AMTN: variants seen among roughly 807,000 people sequenced by gnomAD.
AMTN encodes the protein RSTI689.
AMTN carries 29 observed loss-of-function variants against 27.4 expected under a neutral mutation model. The ratio of observed to expected loss-of-function variants is 1.06; its 90% CI spans 0.79 to 1.44. AMTN has a LOEUF of 1.44. Ranked by LOEUF, AMTN falls within the 40% of genes most tolerant of loss-of-function variation. AMTN has a pLI of 0.00. For synonymous variants in AMTN, 86 were observed against 95.7 expected (o/e 0.90, Z 0.59); for missense variants, 247 against 248.8 (o/e 0.99, Z 0.05).
chr4:70,523,804 C>A (rs1736030555), intron 3 of AMTN, 64 bp from the exon 4 acceptor site: 1 of 1,384,156 alleles, frequency 7.2e-7, no homozygotes, highest in Non-Finnish European at 1.0e-6. Context: ...AGGATATCCA[C>A]CACTGACAGA....
At chr4:70,532,404 T>C (rs1736244633) in intron 8 of AMTN, 51 bp from the exon 9 acceptor site, 2 of 1,416,554 alleles carry the variant, frequency 1.4e-6, no homozygotes, top group Non-Finnish European at 2.0e-6. Flanking sequence ...AAGATATTTA[T>C]GTTAAATATA....
rs1736247731 is a variant in AMTN, at chr4:70,532,541, G to T, written c.*76G>T. 7.6e-7 allele frequency: 1 copy of T among 1,316,424 alleles called. No individual in the cohort carries two copies. The highest frequency in any genetic ancestry group is 2.3e-5 in the East Asian group (1 of 43,006). 81.5% of individuals were successfully genotyped at this position (1,316,424 alleles called of 1,614,324 possible). On this transcript the variant is annotated 3_prime_UTR_variant, in exon 9 of 9. Transcript: ENST00000339336. The stretch of plus-strand genomic sequence containing the variant: ...GAATCTTTATCATTGATTATATTAT[G>T]GAATAGATTGAGACACATTGGATAG...
intron 2 of AMTN, among the ~76,000 whole-genome samples, chr4:70,521,205 A>T (rs7690298): frequency 5.2e-4 from 79 of 151,654 alleles, no homozygotes; most frequent in Middle Eastern, 3.4e-3. Context: ...ATGGTGAAAC[A>T]CCGTCCCTAC....
chr4:70,528,662 T>C, intron 5 of AMTN, 61 bp from the exon 6 acceptor site: 1 of 1,444,604 alleles, frequency 6.9e-7, no homozygotes, highest in East Asian at 2.3e-5. Flanking sequence ...AAAAAAGATA[T>C]CAGTATTTAT....
intron 8 of AMTN, 97 bp downstream of exon 8, chr4:70,531,397 CT>C: frequency 6.7e-7 from 1 of 1,491,070 alleles, no homozygotes; most frequent in Non-Finnish European, 9.1e-7. Flanking sequence ...AAATGCAGAT[CT>C]TAGTAAGATT....
At chr4:70,529,908 C>T (rs1736183123) in intron 7 of AMTN, among the ~76,000 whole-genome samples, 1 of 152,208 alleles carries the variant, frequency 6.6e-6, no homozygotes, top group Non-Finnish European at 1.5e-5. Flanking sequence ...GGGCTAGTGT[C>T]TGTTTTGCCA....
chr4:70,529,460 C>T (rs1236622467), intron 7 of AMTN, among the ~76,000 whole-genome samples: 4 of 152,066 alleles, frequency 2.6e-5, no homozygotes, highest in Non-Finnish European at 5.9e-5. Flanking sequence ...CAGTTCTATC[C>T]AGAAAGGCAG....
At chr4:70,523,025 G>GA (rs1056726471) in intron 3 of AMTN, among the ~76,000 whole-genome samples, 187 bp downstream of exon 3, 2 of 152,178 alleles carry the variant, frequency 1.3e-5, no homozygotes, top group Admixed American at 6.5e-5. Flanking sequence ...ATAATTTTCT[G>GA]AAAAATTTGA....
At chr4:70,529,337 A>G (rs567143051) in intron 7 of AMTN, 127 bp downstream of exon 7, 63 of 545,992 alleles carry the variant, frequency 1.2e-4, no homozygotes, top group Middle Eastern at 1.0e-3. Context: ...GAACATTTTT[A>G]TAGTTCCTTA....
rs554427337 is a variant in AMTN, at chr4:70,530,948, T to C, written c.358-91T>C. The C allele has an allele frequency of 2.7e-6, 4 of 1,506,116 alleles. No homozygotes were observed. The Admixed American group carries it at 8.3e-5, about 31-fold the overall frequency. The allele number at this position is 1,506,116 out of a possible 1,614,324, so 93.3% of individuals were successfully genotyped here. ...CTTCTCTGACTTTACTCTCTCCATCTTTCCATTCCTACCCAAACTTGCTCC... is the reference window on the plus strand; with the variant it reads ...CTTCTCTGACTTTACTCTCTCCATCCTTCCATTCCTACCCAAACTTGCTCC... On this transcript the variant is annotated intron_variant, in intron 7 of 8. Transcript: ENST00000339336.
At chr4:70,528,859 A>G (rs1736155307) in intron 6 of AMTN, 101 bp downstream of exon 6, 2 of 1,030,802 alleles carry the variant, frequency 1.9e-6, no homozygotes, top group East Asian at 2.6e-5. Context: ...TTTCCAATGT[A>G]CTTTGTACTG....
chr4:70,523,798 T>C, intron 3 of AMTN, 70 bp from the exon 4 acceptor site: 1 of 1,323,754 alleles, frequency 7.6e-7, no homozygotes, highest in South Asian at 1.2e-5. Flanking sequence ...TACATGAGGA[T>C]ATCCACCACT....
At position 70,523,938 on chromosome 4, in the gene AMTN, G is replaced by A; in HGVS notation, c.204+5G>A. ...CTGGGGCCAGATCTGCATCTGGTAA[G>A]TGATTGTTTATATTATTTTAATACC... is the stretch of plus-strand genomic sequence containing the variant. On this transcript the variant is annotated splice_donor_5th_base_variant and intron_variant, in intron 4 of 8. Coordinates refer to ENST00000339336, the MANE Select transcript of AMTN (RefSeq NM_212557.4). 6.2e-7 allele frequency: 1 copy of A among 1,609,676 alleles called. No individual in the cohort carries two copies. The highest frequency in any genetic ancestry group is 8.5e-7 in the Non-Finnish European group (1 of 1,176,200).
At chr4:70,521,121 C>T (rs953455964) in intron 2 of AMTN, among the ~76,000 whole-genome samples, 7 of 151,968 alleles carry the variant, frequency 4.6e-5, no homozygotes, top group South Asian at 2.1e-4. Context: ...GGCTAACGCC[C>T]GTAATCCCAA....
At chr4:70,520,936 T>C (rs1166015469) in intron 2 of AMTN, among the ~76,000 whole-genome samples, 4 of 152,000 alleles carry the variant, frequency 2.6e-5, no homozygotes, top group Non-Finnish European at 4.4e-5. Flanking sequence ...GAAGCAGGAA[T>C]GGACTTTACC....
Position 70,531,245 on chromosome 4 carries a change from AG to A in AMTN, c.566del (p.Gly189AlafsTer36), listed in dbSNP as rs1736216582. On this transcript the variant is annotated frameshift_variant, in exon 8 of 9. Coordinates refer to ENST00000339336, the MANE Select transcript of AMTN (RefSeq NM_212557.4). LOFTEE classifies it high-confidence loss of function. ...DDDFAVTTPA[G>X]IQRSTHAIEE... ...ACGACTTTGCAGTGACCACCCCTGC[AG>A]GCATCCAAAGGAGCACACATGCCAT... 4 of 1,613,942 alleles carry A rather than the reference AG, an allele frequency of 2.5e-6. No individual in the cohort carries two copies. The highest frequency in any genetic ancestry group is 3.4e-6 in the Non-Finnish European group (4 of 1,179,960).
chr4:70,520,785 G>A (rs1735935877), intron 2 of AMTN, among the ~76,000 whole-genome samples: 1 of 152,136 alleles, frequency 6.6e-6, no homozygotes, highest in Non-Finnish European at 1.5e-5. Context: ...AGTGGAGAAG[G>A]GGCAGGCTGC....
intron 4 of AMTN, among the ~76,000 whole-genome samples, chr4:70,524,155 A>G (rs1736044282): frequency 6.6e-6 from 1 of 152,100 alleles, no homozygotes; most frequent in Non-Finnish European, 1.5e-5. Flanking sequence ...AATTAATCTA[A>G]TTCTTTCCTT....
At chr4:70,522,674 T>G (rs1341429246) in intron 2 of AMTN, 81 bp from the exon 3 acceptor site, 6 of 1,313,758 alleles carry the variant, frequency 4.6e-6, no homozygotes, top group Non-Finnish European at 6.6e-6. Context: ...ATGTTTGCAT[T>G]GGTGGCAACC....
Sources: allele counts gnomAD v4.1 joint callset (sites outside exome capture counted in the v4.1 genomes callset), GRCh38; gene constraint gnomAD v4.1.1; transcripts MANE v1.5; gene names NCBI Gene and HGNC (gene_info 2026-07-23, HGNC 2026-07-21).